TTC7B: variants seen among roughly 807,000 people sequenced by gnomAD.
TTC7B encodes the protein tetratricopeptide repeat domain 7B.
In TTC7B, 28 loss-of-function variants were observed where a neutral mutation model predicts 106.8. The ratio of observed to expected loss-of-function variants is 0.26; its 90% CI spans 0.19 to 0.36. The LOEUF (loss-of-function observed/expected upper bound fraction) is 0.36, where lower values mean the gene tolerates loss of function less well. TTC7B is among the 10% of genes least tolerant of loss of function. The pLI is 1.00. For synonymous variants in TTC7B, 405 were observed against 430.6 expected (o/e 0.94, Z 0.74); for missense variants, 862 against 1,076.4 (o/e 0.80, Z 2.79).
intron 9 of TTC7B, among the ~76,000 whole-genome samples, chr14:90,659,251 AGTGT>A (rs969267159): frequency 7.3e-6 from 1 of 136,964 alleles, no homozygotes; most frequent in Non-Finnish European, 1.5e-5. Context: ...GAGTGTGTGG[AGTGT>A]GTGTGTGTGT....
rs1334648410 is a variant in TTC7B, at chr14:90,802,741, G to A, written c.121+13434C>T. Among the ~76,000 whole-genome samples the A allele has an allele frequency of 1.3e-5, 2 of 152,118 alleles. No homozygotes were observed. Among genetic ancestry groups the A allele is most frequent in the East Asian group, 3.9e-4 (2 of 5,176 alleles). ...GGGTTGACGGGTACTCCCCAGGGACGCTGCTGCGCAGGTGCAGGCGTGGAG... is the reference window on the plus strand; with the variant it reads ...GGGTTGACGGGTACTCCCCAGGGACACTGCTGCGCAGGTGCAGGCGTGGAG... On this transcript the variant is annotated intron_variant, in intron 1 of 19. Transcript: ENST00000328459. This position sits in a 1 kb window ranked among gnomAD's most constrained non-coding sequence, Gnocchi z 4.7.
chr14:90,591,280 G>C (rs1158333308), intron 18 of TTC7B, among the ~76,000 whole-genome samples: 2 of 152,238 alleles, frequency 1.3e-5, no homozygotes, highest in Admixed American at 1.3e-4. Flanking sequence ...GGCAGAGGTT[G>C]CAGTAAGCTG....
intron 19 of TTC7B, among the ~76,000 whole-genome samples, chr14:90,574,851 A>G (rs1349290780): frequency 6.6e-6 from 1 of 152,130 alleles, no homozygotes; most frequent in Non-Finnish European, 1.5e-5. Flanking sequence ...GGCTGCTGCA[A>G]GCACACTTTC....
intron 16 of TTC7B, 135 bp from the exon 17 acceptor site, chr14:90,610,974 T>A (rs1424690848): frequency 1.4e-6 from 1 of 698,126 alleles, no homozygotes; most frequent in Non-Finnish European, 2.6e-6. Flanking sequence ...ATCTTTCTTA[T>A]GAAGGAGGCA....
chr14:90,582,516 A>G (rs1187303103), intron 18 of TTC7B, among the ~76,000 whole-genome samples: 2 of 152,230 alleles, frequency 1.3e-5, no homozygotes, highest in Non-Finnish European at 2.9e-5. Flanking sequence ...TCAGGAGCAC[A>G]GGCCTTATAC....
In TTC7B at chr14:90,617,946, G is replaced by A. The variant is rs776790625; in HGVS notation, c.1851C>T (p.Tyr617=). 2 of 1,613,768 alleles carry A rather than the reference G, an allele frequency of 1.2e-6. No individual in the cohort carries two copies. The highest frequency in any genetic ancestry group is 1.1e-5 in the South Asian group (1 of 91,080). ...KHMLQIWKSC[Y]NLTNPSDSGR... ...CCTCTTACCTGGGGTTGGTGAGGTT[G>A]TAGCAGGATTTCCATATCTGCAGCA... is the stretch of plus-strand genomic sequence containing the variant. The change falls in exon 16 of 20, where the codon TAC becomes TAT. Residue 617 remains tyrosine, a synonymous_variant. Transcript: ENST00000328459.
At chr14:90,751,030 A>C (rs1172613845) in intron 3 of TTC7B, among the ~76,000 whole-genome samples, 1 of 152,260 alleles carries the variant, frequency 6.6e-6, no homozygotes, top group Non-Finnish European at 1.5e-5. Context: ...CAGATGATGT[A>C]CTGTCAATTT....
intron 15 of TTC7B, among the ~76,000 whole-genome samples, chr14:90,633,536 A>G (rs934258455): frequency 6.6e-6 from 1 of 152,154 alleles, no homozygotes; most frequent in Non-Finnish European, 1.5e-5. Context: ...AAAAAACAAC[A>G]AACTGTCAGT....
At chr14:90,796,831 G>T (rs1447591233) in intron 1 of TTC7B, among the ~76,000 whole-genome samples, 2 of 151,416 alleles carry the variant, frequency 1.3e-5, no homozygotes, top group African/African-American at 4.8e-5. Flanking sequence ...ACACAGCCAG[G>T]TTCTCCATTT....
intron 19 of TTC7B, among the ~76,000 whole-genome samples, chr14:90,561,972 T>C (rs1890610606): frequency 6.6e-6 from 1 of 152,196 alleles, no homozygotes; most frequent in African/African-American, 2.4e-5. Context: ...TCCCCAAACG[T>C]GGGTGCTCCT....
At chr14:90,660,417 A>AAAAAAAAAAAAAAAAAAAAAAAG (rs1555386791) in intron 9 of TTC7B, among the ~76,000 whole-genome samples, 1 of 119,430 alleles carries the variant, frequency 8.4e-6, no homozygotes, top group African/African-American at 3.7e-5. Flanking sequence ...AAAAAAAAAA[A>AAAAAAAAAAAAAAAAAAAAAAAG]AAAAGAAAAG....
chr14:90,589,981 A>C (rs771854673), intron 18 of TTC7B, among the ~76,000 whole-genome samples: 1 of 152,180 alleles, frequency 6.6e-6, no homozygotes, highest in Non-Finnish European at 1.5e-5. Context: ...GCTGATGTGC[A>C]CTGACCTACC....
intron 3 of TTC7B, among the ~76,000 whole-genome samples, chr14:90,778,072 A>C (rs968215642): frequency 2.6e-5 from 4 of 152,064 alleles, no homozygotes; most frequent in Non-Finnish European, 1.5e-5. Flanking sequence ...GCCGATGCTC[A>C]TAACCGTCCC....
rs571837084 is a variant in TTC7B, at chr14:90,526,951, A to C, written c.*14417T>G. Reference sequence around the variant, plus strand: ...TTTCATCCAGGACCCCGTACCACCTAATATTTAGCTATGTCTTCATGGGCT... The same window carrying C: ...TTTCATCCAGGACCCCGTACCACCTCATATTTAGCTATGTCTTCATGGGCT... On this transcript the variant is annotated 3_prime_UTR_variant, in exon 20 of 20. Coordinates refer to ENST00000328459, the MANE Select transcript of TTC7B (RefSeq NM_001010854.2). The C allele has an allele frequency of 6.6e-6, 1 of 152,166 alleles. No individual in the cohort carries two copies. The highest frequency in any genetic ancestry group is 1.9e-4 in the East Asian group (1 of 5,184). The allele number at this position is 152,166 out of a possible 1,614,324, so 9.4% of individuals were successfully genotyped here.
At chr14:90,812,421 T>TGCCTCAGCTCCAAGCCAGGGC (rs1460734270) in intron 1 of TTC7B, among the ~76,000 whole-genome samples, 1 of 152,180 alleles carries the variant, frequency 6.6e-6, no homozygotes, top group African/African-American at 2.4e-5. Context: ...CTCAGGCTGC[T>TGCCTCAGCTCCAAGCCAGGGC]GCCTCAGCTC....
intron 5 of TTC7B, among the ~76,000 whole-genome samples, chr14:90,721,676 T>C (rs1298210624): frequency 2.6e-5 from 4 of 152,122 alleles, no homozygotes; most frequent in Non-Finnish European, 4.4e-5. Flanking sequence ...GCCCAACTGA[T>C]GAGAGGACTG....
At chr14:90,784,414 G>A (rs920782720) in intron 2 of TTC7B, among the ~76,000 whole-genome samples, 4 of 152,034 alleles carry the variant, frequency 2.6e-5, no homozygotes, top group East Asian at 3.9e-4. Flanking sequence ...AAAATTAGCC[G>A]GGCGTGGTGG....
chr14:90,816,370 C>G lies in TTC7B; in HGVS notation c.-75G>C. The G allele has an allele frequency of 1.3e-6, 1 of 796,830 alleles. No homozygotes were observed. The highest frequency in any genetic ancestry group is 1.5e-6 in the Non-Finnish European group (1 of 660,950). 49.4% of individuals were successfully genotyped at this position (796,830 alleles called of 1,614,324 possible). A position where few individuals can be genotyped will look rare whatever the true frequency, so the allele number is the denominator to read the frequency against. ...GCCGCGGCGCCCCCTCGCCGCCTCC[C>G]GCCGCCGCCGCGGGCTCGGGCTCCG... On this transcript the variant is annotated 5_prime_UTR_variant, in exon 1 of 20. Coordinates refer to ENST00000328459, the MANE Select transcript of TTC7B (RefSeq NM_001010854.2).
intron 19 of TTC7B, 139 bp from the exon 20 acceptor site, chr14:90,541,728 C>T (rs946725655): frequency 1.5e-4 from 91 of 590,826 alleles, no homozygotes; most frequent in Non-Finnish European, 2.2e-4. Context: ...AGTAAGTTCT[C>T]CAGTATTTCC....
Sources: gnomAD v4.1 joint callset for allele counts (sites outside exome capture counted in the v4.1 genomes callset) on GRCh38, gnomAD v4.1.1 for gene constraint, Gnocchi (gnomAD v3.1) non-coding constraint, MANE v1.5 for transcripts, NCBI Gene and HGNC (gene_info 2026-07-23, HGNC 2026-07-21) for gene names.